Variants in CDC27 observed in about 807,000 individuals in gnomAD.
CDC27 encodes the protein cell division cycle 27, also known as cell division cycle protein 27 homolog.
Under a neutral mutation model 109.7 loss-of-function variants are expected in CDC27, and 27 were observed. The ratio of observed to expected loss-of-function variants is 0.25; its 90% CI spans 0.18 to 0.34. The LOEUF (loss-of-function observed/expected upper bound fraction) is 0.34. Among genes scored for constraint, CDC27 ranks in the 10% least tolerant of loss-of-function variants. The pLI is 1.00. For missense variants in CDC27, 579 were observed against 960.2 expected, an observed-to-expected ratio of 0.60 and a Z score of 5.25; for synonymous variants, 266 against 333.9, an observed-to-expected ratio of 0.80 and a Z score of 2.22.
At chr17:47,165,288 C>T (rs2063610411) in intron 4 of CDC27, among the ~76,000 whole-genome samples, 1 of 152,116 alleles carries the variant, frequency 6.6e-6, no homozygotes, top group Non-Finnish European at 1.5e-5. Flanking sequence ...TGTAAAATAT[C>T]ACCTTACATT....
chr17:47,143,207 G>A (rs773916575), intron 10 of CDC27, among the ~76,000 whole-genome samples: 2 of 151,858 alleles, frequency 1.3e-5, no homozygotes, highest in Non-Finnish European at 2.9e-5. Flanking sequence ...CAAGTGATCG[G>A]CCCACCTTGG....
rs1315127596 is a variant in CDC27 at position 47,120,135 on chromosome 17, TG to T, written c.*799del. ...TAAGGGCCTTGTTTTGGCTTCTCAG[TG>T]GGGAACCACTCTATCATCTCTGAAT... On this transcript the variant is annotated 3_prime_UTR_variant, in exon 19 of 19. Coordinates refer to ENST00000066544, the MANE Select transcript of CDC27 (RefSeq NM_001256.6). The T allele has an allele frequency of 6.6e-6, 1 of 152,178 alleles. No individual in the cohort carries two copies. The highest frequency in any genetic ancestry group is 1.5e-5 in the Non-Finnish European group (1 of 68,034). The allele number at this position is 152,178 out of a possible 1,614,324, so 9.4% of individuals were successfully genotyped here. A position where few individuals can be genotyped will look rare whatever the true frequency, so the allele number is the denominator to read the frequency against.
intron 4 of CDC27, chr17:47,161,938 A>T (rs2063510664): frequency 6.6e-6 from 1 of 151,978 alleles, no homozygotes; most frequent in Non-Finnish European, 1.5e-5. Flanking sequence ...CCTTCTACAG[A>T]GATGACAACT....
chr17:47,188,930 C>T (rs2064559838), intron 1 of CDC27: 1 of 1,388,448 alleles, frequency 7.2e-7, no homozygotes, highest in Non-Finnish European at 9.4e-7. Flanking sequence ...TCGCCGAAGC[C>T]GCTCACGCTA....
At chr17:47,176,326 C>T (rs2064005091) in intron 2 of CDC27, among the ~76,000 whole-genome samples, 1 of 151,898 alleles carries the variant, frequency 6.6e-6, no homozygotes, top group South Asian at 2.1e-4. Flanking sequence ...TACTGTTGAA[C>T]ATTTCATCTA....
At chr17:47,133,020 T>TACAC (rs1354861842) in intron 14 of CDC27, among the ~76,000 whole-genome samples, 2 of 46,052 alleles carry the variant, frequency 4.3e-5, no homozygotes, top group African/African-American at 1.5e-4. Flanking sequence ...TATATATATA[T>TACAC]ATATATATAC....
chr17:47,137,474 C>G (rs540714165), intron 13 of CDC27, 114 bp from the exon 14 acceptor site: 1 of 535,454 alleles, frequency 1.9e-6, no homozygotes, highest in Admixed American at 3.8e-5. Context: ...AATGGAGGAG[C>G]TTCAGTAGAT....
rs140968521 is a variant in CDC27, at chr17:47,158,486, G to T, written c.378-183C>A. 4.9e-4 allele frequency among the ~76,000 whole-genome samples: 75 copies of T among 152,226 alleles called. 1 individual carries two copies. In the East Asian group the frequency reaches 0.014, roughly 28 times the overall value. ...AATCAAGTGAAAGCGCACAGAACAT[G>T]AATCAAAAGAAATGCTTACAAAACA... is the stretch of plus-strand genomic sequence containing the variant. On this transcript the variant is annotated intron_variant, in intron 4 of 18. Coordinates refer to ENST00000066544, the MANE Select transcript of CDC27 (RefSeq NM_001256.6).
At chr17:47,137,001 A>T (rs2148847195) in intron 14 of CDC27, 151 bp downstream of exon 14, 1 of 416,886 alleles carries the variant, frequency 2.4e-6, no homozygotes, top group Admixed American at 4.3e-5. Flanking sequence ...TTTCATAAGA[A>T]AACATTTTAG....
chr17:47,142,916 T>A (rs1009585745), intron 10 of CDC27, among the ~76,000 whole-genome samples: 4 of 152,192 alleles, frequency 2.6e-5, no homozygotes, highest in African/African-American at 9.7e-5. Context: ...CCTTAGGTGA[T>A]CTGCCTGCCT....
chr17:47,149,093 A>G (rs1045108909), intron 9 of CDC27, among the ~76,000 whole-genome samples: 6 of 151,676 alleles, frequency 4.0e-5, no homozygotes, highest in East Asian at 1.9e-4. Context: ...AAAAAAAAAA[A>G]AAAGAAAAAG....
intron 18 of CDC27, among the ~76,000 whole-genome samples, chr17:47,122,238 C>T (rs2062002754): frequency 6.6e-6 from 1 of 151,342 alleles, no homozygotes; most frequent in Non-Finnish European, 1.5e-5. Context: ...TTGTCAAAGT[C>T]ACACAGCAAA....
At position 47,158,215 on chromosome 17, in the gene CDC27, A is replaced by C. The variant is rs1356927718; in HGVS notation, c.466T>G (p.Cys156Gly). Residue 156 changes from cysteine (C) to glycine (G), a missense_variant, in exon 5 of 19, where the codon TGT (cysteine) becomes GGT (glycine). Transcript: ENST00000066544. ...AACCCCACCCACCTACCTATTTCAC[A>C]TAATGATTCAAAGGGAGACCAGAGG... The part of the protein sequence containing the change: ...PFLWSPFESL[C>G]EIGEKPDPDQ... The C allele has an allele frequency of 5.9e-6, 9 of 1,527,142 alleles. No homozygotes were observed. The highest frequency in any genetic ancestry group is 8.0e-6 in the Non-Finnish European group (9 of 1,127,156). 94.6% of individuals were successfully genotyped at this position (1,527,142 alleles called of 1,614,324 possible).
At position 47,147,208 on chromosome 17, in the gene CDC27, G is replaced by C. The variant is rs538451382; in HGVS notation, c.1071-3226C>G. The stretch of plus-strand genomic sequence containing the variant: ...GAGGTCAGGAGATCGAGACCATCCT[G>C]GCTAACACGGTGAAACCCCGTCTCT... On this transcript the variant is annotated intron_variant, in intron 9 of 18. Transcript: ENST00000066544. 1.5e-4 allele frequency among the ~76,000 whole-genome samples: 23 copies of C among 152,054 alleles called. No individual in the cohort carries two copies. The South Asian group carries it at 4.2e-3, about 28-fold the overall frequency.
At chr17:47,150,384 T>C (rs528852120) in intron 9 of CDC27, among the ~76,000 whole-genome samples, 2 of 152,292 alleles carry the variant, frequency 1.3e-5, no homozygotes, top group South Asian at 4.1e-4. Context: ...TTGACCCTAA[T>C]CCAATATAAC....
chr17:47,146,603 T>C (rs1271679356), intron 9 of CDC27, among the ~76,000 whole-genome samples: 1 of 152,186 alleles, frequency 6.6e-6, no homozygotes, highest in Non-Finnish European at 1.5e-5. Context: ...CAAAGGGTAC[T>C]TCCTCAATGG....
intron 16 of CDC27, among the ~76,000 whole-genome samples, chr17:47,128,071 C>T (rs2062201898): frequency 6.6e-6 from 1 of 152,064 alleles, no homozygotes; most frequent in Admixed American, 6.6e-5. Context: ...GTTGCTGTTG[C>T]CCAGGCTGGA....
Position 47,123,921 on chromosome 17 carries a change from G to T in CDC27, c.2200C>A (p.Pro734Thr). 6.2e-7 allele frequency: 1 copy of T among 1,603,874 alleles called. No individual in the cohort carries two copies. The highest frequency in any genetic ancestry group is 1.1e-5 in the South Asian group (1 of 88,254). Residue 734 changes from proline (P) to threonine (T), a missense_variant, in exon 17 of 19, where the codon CCC becomes ACC. By Grantham distance (38) the Pro-to-Thr change is conservative. Transcript: ENST00000066544. Reference protein sequence around the residue: ...QELEELKQIVPKESLVYFLIG... With the variant: ...QELEELKQIVTKESLVYFLIG... ...AAGAAGTAAACGAGGGATTCTTTGGGAACAATTTGTTTCAATTCTTCAAGT... is the reference window on the plus strand; with the variant it reads ...AAGAAGTAAACGAGGGATTCTTTGGTAACAATTTGTTTCAATTCTTCAAGT...
At position 47,138,924 on chromosome 17, in the gene CDC27, G is replaced by A. The variant is rs370974520; in HGVS notation, c.1552-33C>T. On this transcript the variant is annotated intron_variant, in intron 12 of 18. Transcript: ENST00000066544. ...AAAAAAAACTAGTAAGAGAAAACAA[G>A]TTGATACAATTTATATATATACACA... 1.6e-5 allele frequency: 23 copies of A among 1,424,694 alleles called. No homozygotes were observed. The African/African-American group carries it at 3.0e-4, about 19-fold the overall frequency. 88.3% of individuals were successfully genotyped at this position (1,424,694 alleles called of 1,614,324 possible).
Sources: gnomAD v4.1 joint callset for allele counts (sites outside exome capture counted in the v4.1 genomes callset) on GRCh38, gnomAD v4.1.1 for gene constraint, MANE v1.5 for transcripts, NCBI Gene and HGNC (gene_info 2026-07-23, HGNC 2026-07-21) for gene names.